The following DGLUCY variants were observed in gnomAD, a reference collection of about 807,000 sequenced individuals.
The protein encoded by DGLUCY is D-glutamate cyclase, also known as D-glutamate cyclase, mitochondrial.
DGLUCY carries 58 observed loss-of-function variants against 58.5 expected under a neutral mutation model. The observed-to-expected ratio is 0.99, with a 90% CI of 0.80 to 1.23. The LOEUF is 1.23. Among genes scored for constraint, DGLUCY ranks in the 50% most tolerant of loss-of-function variants. DGLUCY has a pLI of 0.00. For synonymous variants in DGLUCY, 325 were observed against 314.1 expected (o/e 1.03, Z -0.37); for missense variants, 779 against 784.7 (o/e 0.99, Z 0.09).
rs1005675406 is a variant in DGLUCY at position 91,224,917 on chromosome 14, C to T, written c.*84C>T. 7.1e-7 allele frequency: 1 copy of T among 1,414,678 alleles called. No individual in the cohort carries two copies. Among genetic ancestry groups the T allele is most frequent in the Non-Finnish European group, 9.4e-7 (1 of 1,060,158 alleles). The allele number at this position is 1,414,678 out of a possible 1,614,324, so 87.6% of individuals were successfully genotyped here. ...AATGCAGCTGCTTCTGGCGACAATC[C>T]TGCTAGTAAACACTGGTCTTCGGTG... On this transcript the variant is annotated 3_prime_UTR_variant, in exon 14 of 14. Coordinates refer to ENST00000256324, the MANE Select transcript of DGLUCY (RefSeq NM_001102368.3).
chr14:91,176,024 C>T lies in DGLUCY; in HGVS notation c.698C>T (p.Pro233Leu), dbSNP rs766548223. Residue 233 changes from proline to leucine, a missense_variant, in exon 7 of 14, where the codon CCG becomes CTG. Transcript: ENST00000256324. ...PGEVPVFWPS[P>L]LTSLGAVSSC... ...GAGGTTCCAGTGTTCTGGCCTTCTC[C>T]GCTGACCAGTCTCGGAGCTGTCAGC... is the stretch of plus-strand genomic sequence containing the variant. 4.6e-5 allele frequency: 74 copies of T among 1,613,944 alleles called. No individual in the cohort carries two copies. Among genetic ancestry groups the T allele is most frequent in the Non-Finnish European group, 5.5e-5 (65 of 1,179,964 alleles).
intron 1 of DGLUCY, among the ~76,000 whole-genome samples, chr14:91,073,485 T>C (rs2140032587): frequency 6.6e-6 from 1 of 152,296 alleles, no homozygotes; most frequent in South Asian, 2.1e-4. Flanking sequence ...GGCTAATGTT[T>C]GTGTTTTTAG....
chr14:91,111,142 G>A (rs1221701521), upstream of DGLUCY, among the ~76,000 whole-genome samples: 1 of 151,182 alleles, frequency 6.6e-6, no homozygotes, highest in Non-Finnish European at 1.5e-5. Context: ...GGAAGTCCAG[G>A]ATCAAGGTGC....
intron 1 of DGLUCY, among the ~76,000 whole-genome samples, chr14:91,082,002 C>T (rs889699408): frequency 5.9e-5 from 9 of 152,132 alleles, no homozygotes; most frequent in Non-Finnish European, 1.0e-4. Context: ...TTGGGCCCAC[C>T]CAGAAAATCG....
chr14:91,090,535 C>A (rs2044294155), intron 1 of DGLUCY, among the ~76,000 whole-genome samples: 1 of 152,058 alleles, frequency 6.6e-6, no homozygotes, highest in South Asian at 2.1e-4. Context: ...AGCGTTTGGT[C>A]ATGAAGGTCA....
intron 1 of DGLUCY, among the ~76,000 whole-genome samples, chr14:91,146,364 C>A (rs1434213397): frequency 6.6e-6 from 1 of 152,208 alleles, no homozygotes; most frequent in Non-Finnish European, 1.5e-5. Context: ...CCTTGTGGAT[C>A]TTTCCCTGAG....
intron 13 of DGLUCY, chr14:91,216,208 G>A (rs1270954149): frequency 4.3e-5 from 3 of 69,192 alleles, no homozygotes; most frequent in Non-Finnish European, 8.3e-5. Flanking sequence ...AAAAGTAGAA[G>A]AGGGCTTCAG....
intron 1 of DGLUCY, among the ~76,000 whole-genome samples, chr14:91,120,158 C>A (rs142138147): frequency 4.6e-5 from 7 of 152,216 alleles, no homozygotes; most frequent in Non-Finnish European, 8.8e-5. Context: ...CTGACTAATA[C>A]ACTTAGTGTC....
intron 13 of DGLUCY, chr14:91,216,051 G>A (rs2140737764): frequency 3.9e-6 from 1 of 259,116 alleles, no homozygotes; most frequent in Non-Finnish European, 7.6e-6. Context: ...CTGTGGGCTG[G>A]AGGCTGCAAG....
chr14:91,190,233 C>T (rs2049798206), intron 9 of DGLUCY, among the ~76,000 whole-genome samples: 1 of 151,830 alleles, frequency 6.6e-6, no homozygotes, highest in South Asian at 2.1e-4. Context: ...GTGATCCGCC[C>T]GCCTCGGCCT....
intron 1 of DGLUCY, among the ~76,000 whole-genome samples, chr14:91,131,880 T>G (rs1199621309): frequency 6.6e-6 from 1 of 152,214 alleles, no homozygotes; most frequent in Non-Finnish European, 1.5e-5. Context: ...CACTGCAACC[T>G]CTGCCTGGGT....
In DGLUCY at chr14:91,068,896, A is replaced by C. The variant is rs138383504; in HGVS notation, c.-82+8192A>C. 3.6e-4 allele frequency among the ~76,000 whole-genome samples: 55 copies of C among 152,360 alleles called. 1 individual carries two copies. The highest frequency in any genetic ancestry group is 1.2e-3 in the African/African-American group (48 of 41,582). ...GATGAAATGCTAAGAGTCAATGTAC[A>C]GTGCCTACATCCATGAGCAGGCAAT... is the stretch of plus-strand genomic sequence containing the variant. On this transcript the variant is annotated intron_variant, in intron 1 of 4. Coordinates refer to the DGLUCY transcript ENST00000521334.
chr14:91,077,250 G>A (rs1425970942), intron 1 of DGLUCY, among the ~76,000 whole-genome samples: 1 of 150,758 alleles, frequency 6.6e-6, no homozygotes, highest in Non-Finnish European at 1.5e-5. Context: ...CAAGCAAAGA[G>A]TGGGGAGAGA....
chr14:91,107,100 A>G (rs1328013146), upstream of DGLUCY, among the ~76,000 whole-genome samples: 1 of 152,208 alleles, frequency 6.6e-6, no homozygotes, highest in Admixed American at 6.5e-5. Context: ...CCATAGCATC[A>G]ATTTTCAAAT....
chr14:91,103,052 G>A (rs1008092591), upstream of DGLUCY, among the ~76,000 whole-genome samples: 1 of 151,940 alleles, frequency 6.6e-6, no homozygotes, highest in Non-Finnish European at 1.5e-5. Flanking sequence ...GTGAGCCACC[G>A]TGCCCGGCAC....
chr14:91,212,914 T>G lies in DGLUCY; in HGVS notation c.1565-2491T>G, dbSNP rs537404317. On this transcript the variant is annotated intron_variant, in intron 12 of 13. Transcript: ENST00000256324. ...TACTCAGGAGGCTGAGGCAGGAGAA[T>G]GGCGTGAACCCAAGAGGCGGAGCCT... 1.1e-4 allele frequency among the ~76,000 whole-genome samples: 17 copies of G among 151,204 alleles called. 1 individual carries two copies. Among genetic ancestry groups the G allele is most frequent in the Admixed American group, 1.1e-3 (17 of 15,152 alleles).
rs141169440 is a variant in DGLUCY, at chr14:91,210,620, C to T, written c.1565-4785C>T. Among the ~76,000 whole-genome samples the T allele has an allele frequency of 1.2e-3, 190 of 152,256 alleles. No individual in the cohort carries two copies. The East Asian group carries it at 0.019, about 15-fold the overall frequency. Reference sequence around the variant, plus strand: ...TCAATAGGCTAAGGAAGAAAAATCACATGTTCATGTCAATAGATACAGAAA... The same window carrying T: ...TCAATAGGCTAAGGAAGAAAAATCATATGTTCATGTCAATAGATACAGAAA... On this transcript the variant is annotated intron_variant, in intron 12 of 13. Coordinates refer to ENST00000256324, the MANE Select transcript of DGLUCY (RefSeq NM_001102368.3).
intron 12 of DGLUCY, among the ~76,000 whole-genome samples, chr14:91,211,680 A>G (rs1885697425): frequency 6.6e-6 from 1 of 152,266 alleles, no homozygotes; most frequent in African/African-American, 2.4e-5. Flanking sequence ...CTTTACAATA[A>G]TAAACTCAAA....
At position 91,204,705 on chromosome 14, in the gene DGLUCY, G is replaced by A. The variant is rs764484176; in HGVS notation, c.1445-1G>A. 8.7e-6 allele frequency: 14 copies of A among 1,613,716 alleles called. No individual in the cohort carries two copies. The highest frequency in any genetic ancestry group is 1.2e-5 in the Non-Finnish European group (14 of 1,179,884). On this transcript the variant is annotated splice_acceptor_variant, in intron 11 of 13. Transcript: ENST00000256324. LOFTEE classifies it high-confidence loss of function. ...ACTGACTCAGCTCCCCTTCCCTTCA[G>A]GAGTCGGTGATGGAGGCAACGAGCT...
Sources: gnomAD v4.1 joint callset for allele counts (sites outside exome capture counted in the v4.1 genomes callset) on GRCh38, gnomAD v4.1.1 for gene constraint, MANE v1.5 for transcripts, NCBI Gene and HGNC (gene_info 2026-07-23, HGNC 2026-07-21) for gene names.